FARP2: variants seen among roughly 807,000 people sequenced by gnomAD.
The protein encoded by FARP2 is FERM, ARHGEF and pleckstrin domain-containing protein 2.
Under a neutral mutation model 130.5 loss-of-function variants are expected in FARP2, and 111 were observed. That is an observed-to-expected ratio of 0.85 (90% confidence interval 0.73 to 1.00). FARP2 has a LOEUF of 1.00. Ranked by LOEUF, FARP2 falls within the 50% of genes least tolerant of loss-of-function variation. The pLI, the probability that FARP2 is intolerant of heterozygous loss-of-function variation, is 0.00. For missense variants in FARP2, 1,385 were observed against 1,346.3 expected, an observed-to-expected ratio of 1.03 and a Z score of -0.45; for synonymous variants, 504 against 516.9, an observed-to-expected ratio of 0.98 and a Z score of 0.34.
At chr2:241,437,489 A>T (rs1369528377) in intron 12 of FARP2, among the ~76,000 whole-genome samples, 1 of 151,956 alleles carries the variant, frequency 6.6e-6, no homozygotes, top group East Asian at 1.9e-4. Flanking sequence ...TTTACCAGAG[A>T]GAGTCTTACT....
At chr2:241,476,897 AC>A (rs1283451106) in intron 19 of FARP2, among the ~76,000 whole-genome samples, 2 of 151,728 alleles carry the variant, frequency 1.3e-5, no homozygotes, top group East Asian at 3.9e-4. Context: ...TTTGAAGGGA[AC>A]CCTGTTCTCA....
At chr2:241,425,521 C>T (rs145705898) in intron 8 of FARP2, among the ~76,000 whole-genome samples, 144 of 151,356 alleles carry the variant, frequency 9.5e-4, no homozygotes, top group African/African-American at 3.3e-3. Flanking sequence ...GGAACTATTC[C>T]GTAGCAGTAC....
intron 13 of FARP2, chr2:241,446,681 A>G (rs1411764029): frequency 6.6e-6 from 1 of 152,228 alleles, no homozygotes; most frequent in East Asian, 1.9e-4. Flanking sequence ...AAATTATTTC[A>G]TAGACAAAAA....
chr2:241,461,965 C>A (rs1438169903), intron 14 of FARP2, among the ~76,000 whole-genome samples: 1 of 152,218 alleles, frequency 6.6e-6, no homozygotes, highest in Non-Finnish European at 1.5e-5. Context: ...TCCCCTATGG[C>A]CAGCTTGCCT....
At chr2:241,415,703 A>G (rs2062646010) in intron 7 of FARP2, among the ~76,000 whole-genome samples, 1 of 152,216 alleles carries the variant, frequency 6.6e-6, no homozygotes, top group African/African-American at 2.4e-5. Context: ...AGCCTTTAGC[A>G]GCCAGAAGCA....
At chr2:241,452,816 G>A (rs965888513) in intron 13 of FARP2, among the ~76,000 whole-genome samples, 7 of 149,100 alleles carry the variant, frequency 4.7e-5, no homozygotes, top group Admixed American at 4.0e-4. Flanking sequence ...TGGCGGGCAT[G>A]TGTAGTCCCA....
chr2:241,407,172 T>G (rs2062382544), intron 4 of FARP2, among the ~76,000 whole-genome samples: 1 of 152,218 alleles, frequency 6.6e-6, no homozygotes, highest in Admixed American at 6.5e-5. Context: ...AAATTCTATA[T>G]ATATATGTGA....
At chr2:241,493,672 A>G (rs924793716) in intron 26 of FARP2, 10 of 564,742 alleles carry the variant, frequency 1.8e-5, no homozygotes, top group Middle Eastern at 9.3e-4. Context: ...TTGGCTCACT[A>G]TAACCTGCAC....
chr2:241,426,302 G>A (rs906153010), intron 8 of FARP2, among the ~76,000 whole-genome samples: 1 of 152,166 alleles, frequency 6.6e-6, no homozygotes, highest in Non-Finnish European at 1.5e-5. Context: ...ATGAAACGAG[G>A]CAATTAGGAT....
At chr2:241,388,638 A>C (rs1034297182) in intron 2 of FARP2, among the ~76,000 whole-genome samples, 1 of 152,228 alleles carries the variant, frequency 6.6e-6, no homozygotes, top group Non-Finnish European at 1.5e-5. Context: ...TAACTCTTAT[A>C]GCCTGGGCAA....
intron 2 of FARP2, among the ~76,000 whole-genome samples, chr2:241,375,933 T>A (rs1012654813): frequency 6.6e-6 from 1 of 152,178 alleles, no homozygotes; most frequent in African/African-American, 2.4e-5. Flanking sequence ...ATACACACCT[T>A]TAGGGAGAGC....
chr2:241,485,117 G>A (rs926576949), intron 21 of FARP2, among the ~76,000 whole-genome samples: 3 of 151,988 alleles, frequency 2.0e-5, no homozygotes, highest in Non-Finnish European at 2.9e-5. Flanking sequence ...CTCCCTGTCA[G>A]TGATCTTCTC....
At chr2:241,484,954 C>T (rs1026086460) in intron 21 of FARP2, among the ~76,000 whole-genome samples, 2 of 152,136 alleles carry the variant, frequency 1.3e-5, no homozygotes, top group African/African-American at 4.8e-5. Flanking sequence ...ATGTGCCATT[C>T]GTCCAGGACA....
chr2:241,457,200 C>T (rs564966534), intron 14 of FARP2, among the ~76,000 whole-genome samples: 5 of 152,358 alleles, frequency 3.3e-5, no homozygotes, highest in African/African-American at 7.2e-5. Flanking sequence ...AACCCACAGG[C>T]TCCATGTGTC....
chr2:241,366,111 ATATATATATACG>A (rs1307032112), intron 1 of FARP2, among the ~76,000 whole-genome samples: 69 of 16,398 alleles, frequency 4.2e-3, no homozygotes, highest in Non-Finnish European at 6.6e-3. Flanking sequence ...AAAAATATAT[ATATATATATACG>A]TATATATATA....
intron 1 of FARP2, 28 bp from the exon 2 acceptor site, chr2:241,373,056 C>G: frequency 8.7e-7 from 1 of 1,149,636 alleles, no homozygotes; most frequent in Non-Finnish European, 1.2e-6. Flanking sequence ...ATAATTCCTT[C>G]ATGTGGTTTT....
intron 8 of FARP2, among the ~76,000 whole-genome samples, chr2:241,418,689 G>A (rs1421322604): frequency 1.3e-5 from 2 of 152,316 alleles, no homozygotes; most frequent in East Asian, 3.9e-4. Flanking sequence ...TGGTGGGCAT[G>A]GCCTGCTCAC....
Position 241,463,899 on chromosome 2 carries a change from G to A in FARP2, c.1812G>A (p.Trp604Ter). 6.2e-7 allele frequency: 1 copy of A among 1,613,500 alleles called. No individual in the cohort carries two copies. Among genetic ancestry groups the A allele is most frequent in the Non-Finnish European group, 8.5e-7 (1 of 1,179,570 alleles). The change falls in exon 17 of 27, where the codon TGG becomes TGA. Residue 604 changes from tryptophan to a stop codon, truncating the protein, a stop_gained and splice_region_variant. Coordinates refer to ENST00000264042, the MANE Select transcript of FARP2 (RefSeq NM_014808.4). LOFTEE classifies it high-confidence loss of function. ...GATGACTTTGTTTCTTTTTACTCAG[G>A]GAAGGGCCCTCCAAAGCCCACACAA... The part of the protein sequence containing the change: ...LREVEQRLAL[W>*]EGPSKAHTKG...
At chr2:241,492,466 A>G (rs1400514662) in intron 24 of FARP2, among the ~76,000 whole-genome samples, 1 of 152,226 alleles carries the variant, frequency 6.6e-6, no homozygotes, top group East Asian at 1.9e-4. Flanking sequence ...CCATGAGCCC[A>G]GCCACTCCAG....
Sources: allele counts gnomAD v4.1 joint callset (sites outside exome capture counted in the v4.1 genomes callset), GRCh38; gene constraint gnomAD v4.1.1; transcripts MANE v1.5; gene names NCBI Gene and HGNC (gene_info 2026-07-23, HGNC 2026-07-21).